Variants in EIF1 observed in about 807,000 individuals in gnomAD.
The protein encoded by EIF1 is eukaryotic translation initiation factor 1.
Under a neutral mutation model 13.7 loss-of-function variants are expected in EIF1, and 4 were observed. The ratio of observed to expected loss-of-function variants is 0.29; its 90% CI spans 0.14 to 0.67. The LOEUF is 0.67. Among genes scored for constraint, EIF1 ranks in the 30% least tolerant of loss-of-function variants. The pLI is 0.77. For missense variants in EIF1, 64 were observed against 138.0 expected (o/e 0.46, Z 2.69); for synonymous variants, 67 against 50.7 (o/e 1.32, Z -1.37).
rs184974063 is a variant in EIF1 at position 41,690,373 on chromosome 17, G to C, written c.297+184G>C. 11 of 582,424 alleles carry C rather than the reference G, an allele frequency of 1.9e-5. No individual in the cohort carries two copies. The African/African-American group carries it at 2.1e-4, about 11-fold the overall frequency. The allele number at this position is 582,424 out of a possible 1,614,324, so 36.1% of individuals were successfully genotyped here. ...AGCAGAAGGGACTTGTCTACCTTTG[G>C]TTTACTGTTTCTGTGGATCTACTTC... On this transcript the variant is annotated intron_variant, in intron 3 of 3. Coordinates refer to ENST00000469257, the MANE Select transcript of EIF1 (RefSeq NM_005801.4).
chr17:41,690,639 C>T (rs1567766990), intron 3 of EIF1, 143 bp from the exon 4 acceptor site: 8 of 798,906 alleles, frequency 1.0e-5, no homozygotes, highest in Non-Finnish European at 1.2e-5. Flanking sequence ...TAGCTCTTAA[C>T]TGAGGACCCT....
intron 1 of EIF1, 132 bp from the exon 2 acceptor site, chr17:41,689,646 C>T (rs1910312976): frequency 1.1e-6 from 1 of 887,366 alleles, no homozygotes; most frequent in Non-Finnish European, 1.7e-6. Flanking sequence ...CAGCAAAGGA[C>T]ACATTCGGCC....
At chr17:41,689,265 G>A (rs1202984806) in intron 1 of EIF1, 196 bp downstream of exon 1, 7 of 650,942 alleles carry the variant, frequency 1.1e-5, no homozygotes, top group Non-Finnish European at 1.8e-5. Flanking sequence ...AGGAGCAGGC[G>A]GTAGGTCAGC....
chr17:41,688,970 G>A lies in EIF1; in HGVS notation c.-69G>A, dbSNP rs1029387025. On this transcript the variant is annotated 5_prime_UTR_variant, in exon 1 of 4. Transcript: ENST00000469257. The stretch of plus-strand genomic sequence containing the variant: ...CCCGACGTTCCGTTCCCCCCTGCCC[G>A]CCTTCTCCCGCCACCGCCGCCGCCG... 7.2e-5 allele frequency: 111 copies of A among 1,548,808 alleles called. No individual in the cohort carries two copies. Among genetic ancestry groups the A allele is most frequent in the Non-Finnish European group, 9.5e-5 (107 of 1,126,472 alleles).
At position 41,690,946 on chromosome 17, in the gene EIF1, C is replaced by A. The variant is rs779197632; in HGVS notation, c.*120C>A. ...TTGTATAATGTAACCATTTGGGGTC[C>A]GCTTTTAACTTGGACTAGTGTAACT... is the stretch of plus-strand genomic sequence containing the variant. On this transcript the variant is annotated 3_prime_UTR_variant, in exon 4 of 4. Transcript: ENST00000469257. 3.5e-6 allele frequency: 4 copies of A among 1,141,312 alleles called. No individual in the cohort carries two copies. Among genetic ancestry groups the A allele is most frequent in the African/African-American group, 1.5e-5 (1 of 64,984 alleles). 70.7% of individuals were successfully genotyped at this position (1,141,312 alleles called of 1,614,324 possible).
chr17:41,690,218 C>T (rs781295331), intron 3 of EIF1, 29 bp downstream of exon 3: 2 of 1,574,334 alleles, frequency 1.3e-6, no homozygotes, highest in South Asian at 2.2e-5. Flanking sequence ...TGATTTGTGC[C>T]TCTCTGCTGG....
In EIF1 at chr17:41,692,517, CAAT is replaced by C. The variant is rs1262937207; in HGVS notation, c.*1692_*1694del. 2 of 150,176 alleles carry C rather than the reference CAAT, an allele frequency of 1.3e-5. No individual in the cohort carries two copies. Among genetic ancestry groups the C allele is most frequent in the Non-Finnish European group, 3.0e-5 (2 of 67,670 alleles). The allele number at this position is 150,176 out of a possible 1,614,324, so 9.3% of individuals were successfully genotyped here. On this transcript the variant is annotated 3_prime_UTR_variant, in exon 4 of 4. Transcript: ENST00000469257. ...TGCTGCCTAAGGATGCTTCATTCAA[CAAT>C]GAGCCTCACAGCCGTGCTACACAAT...
intron 1 of EIF1, 24 bp from the exon 2 acceptor site, chr17:41,689,754 A>G (rs1910319327): frequency 1.3e-6 from 2 of 1,570,286 alleles, no homozygotes; most frequent in Non-Finnish European, 1.7e-6. Flanking sequence ...GACAGCTCTG[A>G]ACGAGCTTAA....
chr17:41,691,558 T>G lies in EIF1; in HGVS notation c.*732T>G, dbSNP rs1910380809. The G allele has an allele frequency of 1.3e-5, 2 of 152,704 alleles. No homozygotes were observed. Among genetic ancestry groups the G allele is most frequent in the South Asian group, 4.1e-4 (2 of 4,838 alleles). 9.5% of individuals were successfully genotyped at this position (152,704 alleles called of 1,614,324 possible). On this transcript the variant is annotated 3_prime_UTR_variant, in exon 4 of 4. Transcript: ENST00000469257. The stretch of plus-strand genomic sequence containing the variant: ...CCCAATGCCATGTGAAGTAACAAAC[T>G]GGTTTTTGGTTTTTTTTTCCCCTTC...
At position 41,691,229 on chromosome 17, in the gene EIF1, G is replaced by C. The variant is rs1469529551; in HGVS notation, c.*403G>C. On this transcript the variant is annotated 3_prime_UTR_variant, in exon 4 of 4. Coordinates refer to ENST00000469257, the MANE Select transcript of EIF1 (RefSeq NM_005801.4). Reference sequence around the variant, plus strand: ...GGTGAATCTGAGAGGAGAGGATGGGGTAAGGCAGAAGCACCAGCTGTACTA... The same window carrying C: ...GGTGAATCTGAGAGGAGAGGATGGGCTAAGGCAGAAGCACCAGCTGTACTA... 5 of 360,462 alleles carry C rather than the reference G, an allele frequency of 1.4e-5. No individual in the cohort carries two copies. The highest frequency in any genetic ancestry group is 2.0e-5 in the Non-Finnish European group (4 of 200,870). The allele number at this position is 360,462 out of a possible 1,614,324, so 22.3% of individuals were successfully genotyped here.
Position 41,690,154 on chromosome 17 carries a change from G to T in EIF1, c.262G>T (p.Asp88Tyr). 6.2e-7 allele frequency: 1 copy of T among 1,614,108 alleles called. No homozygotes were observed. The highest frequency in any genetic ancestry group is 1.1e-5 in the South Asian group (1 of 91,032). ...EYGEVIQLQG[D>Y]QRKNICQFLV... Reference sequence around the variant, plus strand: ...TGGAGAAGTAATTCAGCTACAGGGTGACCAACGCAAGAACATATGCCAGTT... The same window carrying T: ...TGGAGAAGTAATTCAGCTACAGGGTTACCAACGCAAGAACATATGCCAGTT... The change falls in exon 3 of 4, where the codon GAC (aspartate) becomes TAC (tyrosine). Residue 88 changes from aspartate (D) to tyrosine (Y), a missense_variant. Physicochemically the swap from Asp to Tyr is radical, Grantham distance 160. This residue lies in a region of EIF1 where 35 missense variants were observed against 103.4 expected (regional missense o/e 0.34). Transcript: ENST00000469257.
intron 1 of EIF1, 168 bp from the exon 2 acceptor site, chr17:41,689,610 C>T (rs951312248): frequency 1.1e-5 from 7 of 627,450 alleles, no homozygotes; most frequent in South Asian, 2.5e-5. Flanking sequence ...AGCTGGCCGT[C>T]CCGGACTGAC....
In EIF1 at chr17:41,689,913, A is replaced by G; in HGVS notation, c.167A>G (p.Lys56Arg). 6.2e-7 allele frequency: 1 copy of G among 1,611,154 alleles called. No homozygotes were observed. Residue 56 changes from lysine to arginine, a missense_variant, in exon 2 of 4, where the codon AAA becomes AGA. This residue lies in a region of EIF1 where 35 missense variants were observed against 103.4 expected (regional missense o/e 0.34). Coordinates refer to ENST00000469257, the MANE Select transcript of EIF1 (RefSeq NM_005801.4). ...CAAGGGATCGCTGATGATTACGATA[A>G]AAAGAAACTAGTGAAGGCGTTTAAG... ...TVQGIADDYD[K>R]KKLVKAFKKK...
chr17:41,689,649 A>AT (rs1373450795), intron 1 of EIF1, 129 bp from the exon 2 acceptor site: 1 of 949,334 alleles, frequency 1.1e-6, no homozygotes, highest in Admixed American at 3.0e-5. Flanking sequence ...CAAAGGACAC[A>AT]TTCGGCCTGG....
rs564817837 is a variant in EIF1 at position 41,690,739 on chromosome 17, C to G, written c.298-43C>G. On this transcript the variant is annotated intron_variant, in intron 3 of 3. Transcript: ENST00000469257. ...GCCATTAGAAATGGAGGCTTTAACT[C>G]TCCCTGTCCCCCATTTAAAACTTTG... 52 of 1,609,448 alleles carry G rather than the reference C, an allele frequency of 3.2e-5. 1 individual carries two copies. The South Asian group carries it at 5.3e-4, about 16-fold the overall frequency.
intron 3 of EIF1, 173 bp from the exon 4 acceptor site, chr17:41,690,609 C>A (rs1910345902): frequency 2.9e-5 from 18 of 625,742 alleles, no homozygotes; most frequent in African/African-American, 3.7e-5. Context: ...CCTTGGAAGG[C>A]ACTGAGTGTT....
At position 41,689,876 on chromosome 17, in the gene EIF1, C is replaced by G; in HGVS notation, c.130C>G (p.Leu44Val). The part of the protein sequence containing the change: ...RIQQRNGRKT[L>V]TTVQGIADDY... Reference sequence around the variant, plus strand: ...TCAACAGAGAAACGGCAGGAAGACCCTTACTACTGTCCAAGGGATCGCTGA... The same window carrying G: ...TCAACAGAGAAACGGCAGGAAGACCGTTACTACTGTCCAAGGGATCGCTGA... Residue 44 changes from leucine (L) to valine (V), a missense_variant, in exon 2 of 4, where the codon CTT (leucine) becomes GTT (valine). This residue lies in a region of EIF1 where 35 missense variants were observed against 103.4 expected (regional missense o/e 0.34). Coordinates refer to ENST00000469257, the MANE Select transcript of EIF1 (RefSeq NM_005801.4). 6.2e-7 allele frequency: 1 copy of G among 1,613,986 alleles called. No homozygotes were observed. The highest frequency in any genetic ancestry group is 8.5e-7 in the Non-Finnish European group (1 of 1,179,938).
rs576386083 is a variant in EIF1 at position 41,689,215 on chromosome 17, A to C, written c.31+146A>C. On this transcript the variant is annotated intron_variant, in intron 1 of 3. Coordinates refer to ENST00000469257, the MANE Select transcript of EIF1 (RefSeq NM_005801.4). Reference sequence around the variant, plus strand: ...ACCAGGGTCGCAGGGCAGCGGGATCAAGGCCTGGGCCCCGGGGTCGGACCC... The same window carrying C: ...ACCAGGGTCGCAGGGCAGCGGGATCCAGGCCTGGGCCCCGGGGTCGGACCC... The C allele has an allele frequency of 4.2e-6, 4 of 949,860 alleles. No homozygotes were observed. The South Asian group carries it at 5.9e-5, about 14-fold the overall frequency. 58.8% of individuals were successfully genotyped at this position (949,860 alleles called of 1,614,324 possible).
intron 1 of EIF1, 194 bp from the exon 2 acceptor site, chr17:41,689,584 T>TCCCCGAGCCTGGGGAAGCTGGCCGTC: frequency 1.9e-6 from 1 of 528,362 alleles, no homozygotes; most frequent in Non-Finnish European, 3.3e-6. Flanking sequence ...GCCCGGGCGT[T>TCCCCGAGCCTGGGGAAGCTGGCCGTC]CCCCGAGCCT....
Sources: gnomAD v4.1 joint callset for allele counts on GRCh38, gnomAD v4.1.1 for gene constraint, gnomAD v4.1.1 regional missense constraint, MANE v1.5 for transcripts, NCBI Gene and HGNC (gene_info 2026-07-23, HGNC 2026-07-21) for gene names.